Variants in KDM4B observed in about 807,000 individuals in gnomAD.
KDM4B encodes lysine demethylase 4B.
A neutral mutation model predicts 125.2 loss-of-function variants in KDM4B; 32 were observed. That is an observed-to-expected ratio of 0.26 (90% confidence interval 0.19 to 0.34). KDM4B has a LOEUF of 0.34. KDM4B is among the 10% of genes least tolerant of loss of function. The pLI is 1.00. For synonymous variants in KDM4B, 721 were observed against 677.9 expected (o/e 1.06, Z -0.99); for missense variants, 1,190 against 1,577.7 (o/e 0.75, Z 4.16).
chr19:5,024,007 T>TC (rs2036205137), intron 2 of KDM4B, among the ~76,000 whole-genome samples: 1 of 152,088 alleles, frequency 6.6e-6, no homozygotes, highest in Non-Finnish European at 1.5e-5. Context: ...CACCTTGGCC[T>TC]CCCACAGTGC....
chr19:5,010,416 C>T (rs149123577), intron 1 of KDM4B, among the ~76,000 whole-genome samples: 3 of 152,300 alleles, frequency 2.0e-5, no homozygotes, highest in Non-Finnish European at 2.9e-5. Flanking sequence ...TCAAGTTTCT[C>T]CACTGCAAAG....
chr19:5,099,466 A>G (rs2038890326), intron 9 of KDM4B, among the ~76,000 whole-genome samples: 1 of 152,246 alleles, frequency 6.6e-6, no homozygotes, highest in African/African-American at 2.4e-5. Flanking sequence ...CAAGATTTAC[A>G]GTAAGTACCT....
At chr19:5,070,783 C>T (rs2037921769) in intron 6 of KDM4B, 6 of 487,696 alleles carry the variant, frequency 1.2e-5, no homozygotes, top group South Asian at 8.7e-5. Context: ...GCCACCGAGC[C>T]ATGGTCCTCA....
At chr19:5,125,435 G>A (rs10417056) in intron 11 of KDM4B, among the ~76,000 whole-genome samples, 2 of 152,050 alleles carry the variant, frequency 1.3e-5, no homozygotes, top group Non-Finnish European at 1.5e-5. Flanking sequence ...GCAGTTGCCC[G>A]CTGGAGAGAA....
intron 2 of KDM4B, among the ~76,000 whole-genome samples, chr19:5,025,802 G>T (rs957976928): frequency 1.3e-5 from 2 of 152,114 alleles, no homozygotes; most frequent in Non-Finnish European, 2.9e-5. Flanking sequence ...ACGCAGCCCC[G>T]CTGCCACCCA....
chr19:5,049,302 T>C (rs34227900), intron 6 of KDM4B, among the ~76,000 whole-genome samples: 10,271 of 152,206 alleles, frequency 0.067, 447 homozygotes, highest in Middle Eastern at 0.13. Context: ...ACCCCTCCTC[T>C]GCTTCGCCTG....
chr19:5,111,931 G>A (rs1260394581), intron 10 of KDM4B: 4 of 703,938 alleles, frequency 5.7e-6, no homozygotes, highest in South Asian at 2.9e-5. Context: ...TACCAAATAC[G>A]ATAATTTTTC....
chr19:5,006,880 G>T (rs1256773932), intron 1 of KDM4B, among the ~76,000 whole-genome samples: 2 of 152,218 alleles, frequency 1.3e-5, no homozygotes, highest in Non-Finnish European at 2.9e-5. Flanking sequence ...TCCGCTCTGT[G>T]AAGTGGGAGT....
At chr19:5,100,064 C>A (rs765850823) in intron 9 of KDM4B, among the ~76,000 whole-genome samples, 13 of 152,268 alleles carry the variant, frequency 8.5e-5, no homozygotes, top group Non-Finnish European at 1.5e-4. Context: ...GCTGCTGGCA[C>A]AAAGATGCTC....
chr19:5,024,792 A>G (rs1313857983), intron 2 of KDM4B, among the ~76,000 whole-genome samples: 8 of 152,132 alleles, frequency 5.3e-5, no homozygotes, highest in Admixed American at 5.2e-4. Flanking sequence ...TACTAAAAAT[A>G]CAAAAATTAG....
At position 5,137,249 on chromosome 19, in the gene KDM4B, C is replaced by T. The variant is rs961869007; in HGVS notation, c.2309-13C>T. On this transcript the variant is annotated splice_polypyrimidine_tract_variant and intron_variant, in intron 15 of 22. Coordinates refer to ENST00000159111, the MANE Select transcript of KDM4B (RefSeq NM_015015.3). ...TGCCCCCCAGATCTCAGCCAGCCCC[C>T]GCTGTCTTCCAGGTTGCTATGGCAT... The T allele has an allele frequency of 1.5e-5, 24 of 1,561,406 alleles. No individual in the cohort carries two copies. Among genetic ancestry groups the T allele is most frequent in the South Asian group, 2.4e-5 (2 of 84,766 alleles).
rs552321194 is a variant in KDM4B, at chr19:4,998,868, T to C, written c.-108-17389T>C. Among the ~76,000 whole-genome samples, 14 of 152,316 alleles carry C rather than the reference T, an allele frequency of 9.2e-5. No individual in the cohort carries two copies. The South Asian group carries it at 2.9e-3, about 32-fold the overall frequency. On this transcript the variant is annotated intron_variant, in intron 1 of 22. Coordinates refer to ENST00000159111, the MANE Select transcript of KDM4B (RefSeq NM_015015.3). ...GGACCAGATTCAGGCCACACACTTT[T>C]GGCAGGAAAGTCCTGGAGCCGACAT...
intron 13 of KDM4B, among the ~76,000 whole-genome samples, chr19:5,132,809 G>A (rs2039582468): frequency 6.6e-6 from 1 of 152,148 alleles, no homozygotes; most frequent in African/African-American, 2.4e-5. Context: ...AGGCATTCTG[G>A]GGTTGTGAGT....
intron 20 of KDM4B, 93 bp from the exon 21 acceptor site, chr19:5,144,690 C>A: frequency 6.5e-7 from 1 of 1,537,064 alleles, no homozygotes; most frequent in East Asian, 2.3e-5. Context: ...AGGCAGAGAA[C>A]CTCACTTGCC....
rs1458936859 is a variant in KDM4B at position 5,119,838 on chromosome 19, C to G, written c.1301C>G (p.Ala434Gly). Residue 434 changes from alanine (A) to glycine (G), a missense_variant, in exon 11 of 23, where the codon GCC becomes GGC. Coordinates refer to ENST00000159111, the MANE Select transcript of KDM4B (RefSeq NM_015015.3). ...EPQPLPHGRE[A>G]EGAEEDGRGK... is the part of the protein sequence containing the mutation. ...CAGCCACTGCCACACGGCCGGGAGG[C>G]CGAGGGCGCAGAAGGTCAGTCCCTG... 22 of 1,545,784 alleles carry G rather than the reference C, an allele frequency of 1.4e-5. No homozygotes were observed. The highest frequency in any genetic ancestry group is 1.8e-5 in the Non-Finnish European group (21 of 1,146,030).
At position 4,986,334 on chromosome 19, in the gene KDM4B, C is replaced by T. The variant is rs550683854; in HGVS notation, c.-109+17104C>T. Among the ~76,000 whole-genome samples, 10 of 152,324 alleles carry T rather than the reference C, an allele frequency of 6.6e-5. No homozygotes were observed. In the East Asian group the frequency reaches 9.7e-4, roughly 15 times the overall value. ...TGCCACTGACTTGGGGCAGTGTCTC[C>T]GTGTGCCTCCCTGTGGGGCGATGGC... On this transcript the variant is annotated intron_variant, in intron 1 of 22. Transcript: ENST00000159111.
intron 6 of KDM4B, among the ~76,000 whole-genome samples, chr19:5,051,138 C>T (rs2037209503): frequency 6.6e-6 from 1 of 152,220 alleles, no homozygotes; most frequent in Non-Finnish European, 1.5e-5. Context: ...TCACATGCCA[C>T]ATGCCCCTAG....
chr19:5,138,102 C>T (rs770900860), intron 18 of KDM4B, 32 bp downstream of exon 18: 86 of 1,553,050 alleles, frequency 5.5e-5, no homozygotes, highest in Non-Finnish European at 7.2e-5. Context: ...CCACCCTGCC[C>T]GTGCCTCTAG....
intron 10 of KDM4B, among the ~76,000 whole-genome samples, chr19:5,118,619 C>T (rs2039301627): frequency 6.6e-6 from 1 of 152,238 alleles, no homozygotes; most frequent in African/African-American, 2.4e-5. Flanking sequence ...AAAGCTTTTG[C>T]TTCCTTCCTG....
Sources: gnomAD v4.1 joint callset for allele counts (sites outside exome capture counted in the v4.1 genomes callset) on GRCh38, gnomAD v4.1.1 for gene constraint, MANE v1.5 for transcripts, NCBI Gene and HGNC (gene_info 2026-07-23, HGNC 2026-07-21) for gene names.